SUPT3H: variants seen among roughly 807,000 people sequenced by gnomAD.
SUPT3H encodes transcription initiation protein SPT3 homolog.
A neutral mutation model predicts 44.3 loss-of-function variants in SUPT3H; 44 were observed. The observed-to-expected ratio is 0.99, with a 90% confidence interval of 0.78 to 1.28. The LOEUF (loss-of-function observed/expected upper bound fraction) is 1.28, where lower values mean the gene tolerates loss of function less well. SUPT3H is among the 50% of genes most tolerant of loss of function. The pLI, the probability that SUPT3H is intolerant of heterozygous loss-of-function variation, is 0.00. For missense variants in SUPT3H, 380 were observed against 387.1 expected (o/e 0.98, Z 0.15); for synonymous variants, 124 against 125.6 (o/e 0.99, Z 0.09).
chr6:44,855,514 T>C (rs375432943), intron 10 of SUPT3H, among the ~76,000 whole-genome samples: 13 of 152,298 alleles, frequency 8.5e-5, no homozygotes, highest in East Asian at 5.8e-4. Context: ...TGTGCAGCCA[T>C]AGGTACTGGT....
At chr6:45,107,292 C>T (rs145588159) in intron 2 of SUPT3H, among the ~76,000 whole-genome samples, 1 of 152,182 alleles carries the variant, frequency 6.6e-6, no homozygotes, top group East Asian at 1.9e-4. Flanking sequence ...AAGGCATCTA[C>T]CTAATCACAG....
chr6:44,930,993 A>C (rs2153461024), intron 10 of SUPT3H, among the ~76,000 whole-genome samples: 1 of 152,300 alleles, frequency 6.6e-6, no homozygotes, highest in South Asian at 2.1e-4. Context: ...GGGGGAAAAG[A>C]TATACACACA....
At chr6:45,033,259 G>A (rs978413876) in intron 3 of SUPT3H, among the ~76,000 whole-genome samples, 1 of 152,098 alleles carries the variant, frequency 6.6e-6, no homozygotes, top group African/African-American at 2.4e-5. Flanking sequence ...GTCTCAGAAG[G>A]ATAAATCTTC....
chr6:44,890,256 T>C (rs1359394088), intron 10 of SUPT3H, among the ~76,000 whole-genome samples: 1 of 150,020 alleles, frequency 6.7e-6, no homozygotes, highest in Non-Finnish European at 1.5e-5. Flanking sequence ...ATCCCATTAC[T>C]GGGTATATAC....
chr6:45,361,493 T>C (rs2150251035), intron 2 of SUPT3H: 1 of 152,276 alleles, frequency 6.6e-6, no homozygotes, highest in Non-Finnish European at 1.5e-5. Flanking sequence ...TCAAAGTGCA[T>C]TTAAATTAAT....
chr6:44,933,990 C>T (rs10948185), intron 9 of SUPT3H, among the ~76,000 whole-genome samples: 51,065 of 151,940 alleles, frequency 0.34, 9,504 homozygotes, highest in Admixed American at 0.41. Context: ...AATGGAAGCT[C>T]ATTTACTTCA....
At chr6:45,324,997 T>G (rs1786131024) in intron 2 of SUPT3H, among the ~76,000 whole-genome samples, 1 of 151,604 alleles carries the variant, frequency 6.6e-6, no homozygotes, top group Non-Finnish European at 1.5e-5. Flanking sequence ...TAAGGCCAAA[T>G]AGATCCCGTG....
At chr6:45,369,518 A>C (rs1795693236) in intron 1 of SUPT3H, among the ~76,000 whole-genome samples, 1 of 152,062 alleles carries the variant, frequency 6.6e-6, no homozygotes, top group South Asian at 2.1e-4. Context: ...ATCATCTTCT[A>C]CTTCCAGAGA....
intron 2 of SUPT3H, among the ~76,000 whole-genome samples, chr6:45,204,542 T>C (rs1204554251): frequency 1.3e-5 from 2 of 152,156 alleles, no homozygotes; most frequent in African/African-American, 4.8e-5. Flanking sequence ...AAGATGCTCG[T>C]TCCTTCCACA....
Position 44,889,551 on chromosome 6 carries a change from C to G in SUPT3H, c.912+43102G>C, listed in dbSNP as rs554204240. Among the ~76,000 whole-genome samples the G allele has an allele frequency of 2.2e-3, 331 of 152,314 alleles. 1 individual carries two copies. The highest frequency in any genetic ancestry group is 7.6e-3 in the African/African-American group (317 of 41,568). The stretch of plus-strand genomic sequence containing the variant: ...TAATAAATGGTGCTGGGAAAACTGG[C>G]TAGCCACATGTAGAAAGCTGAAACT... On this transcript the variant is annotated intron_variant, in intron 10 of 10. Coordinates refer to ENST00000371459, the MANE Select transcript of SUPT3H (RefSeq NM_003599.4).
At chr6:45,149,291 C>G (rs1245353218) in intron 2 of SUPT3H, among the ~76,000 whole-genome samples, 1 of 152,116 alleles carries the variant, frequency 6.6e-6, no homozygotes, top group African/African-American at 2.4e-5. Context: ...TTGTAGCTAT[C>G]TATGACCTAC....
chr6:45,120,606 A>G (rs1180135372), intron 2 of SUPT3H, among the ~76,000 whole-genome samples: 1 of 152,032 alleles, frequency 6.6e-6, no homozygotes, highest in Non-Finnish European at 1.5e-5. Context: ...GAGGAAAACT[A>G]AAGAAGTTGA....
intron 2 of SUPT3H, among the ~76,000 whole-genome samples, chr6:45,230,469 T>C (rs1767751915): frequency 6.6e-6 from 1 of 151,808 alleles, no homozygotes; most frequent in East Asian, 1.9e-4. Flanking sequence ...ATCATTATTA[T>C]ATAATGACCA....
chr6:45,202,766 C>T (rs186667321), intron 2 of SUPT3H, among the ~76,000 whole-genome samples: 1 of 152,046 alleles, frequency 6.6e-6, no homozygotes, highest in East Asian at 1.9e-4. Flanking sequence ...AAATAATATA[C>T]AATTCTATTT....
At chr6:45,286,787 G>A (rs2149835547) in intron 2 of SUPT3H, among the ~76,000 whole-genome samples, 1 of 152,290 alleles carries the variant, frequency 6.6e-6, no homozygotes, top group South Asian at 2.1e-4. Context: ...AAAGACACAT[G>A]CACACGTATG....
chr6:45,255,074 A>T (rs1347057886), intron 2 of SUPT3H, among the ~76,000 whole-genome samples: 46 of 152,210 alleles, frequency 3.0e-4, no homozygotes. Context: ...TGATGCTGGC[A>T]TATTGCTATG....
At chr6:44,906,676 C>T (rs567843062) in intron 10 of SUPT3H, among the ~76,000 whole-genome samples, 1 of 152,076 alleles carries the variant, frequency 6.6e-6, no homozygotes, top group Non-Finnish European at 1.5e-5. Context: ...GCAGGAGAAT[C>T]GCTTAAACCT....
chr6:44,824,067 C>T (rs1377185266), downstream of SUPT3H, among the ~76,000 whole-genome samples: 1 of 152,226 alleles, frequency 6.6e-6, no homozygotes, highest in African/African-American at 2.4e-5. Context: ...TGTCAATTGG[C>T]CCCTCTGGCT....
intron 2 of SUPT3H, among the ~76,000 whole-genome samples, chr6:45,222,783 G>A (rs1766275570): frequency 6.6e-6 from 1 of 151,972 alleles, no homozygotes; most frequent in African/African-American, 2.4e-5. Context: ...GCCCAAAACT[G>A]GAGACAACTC....
Sources: gnomAD v4.1 joint callset for allele counts (sites outside exome capture counted in the v4.1 genomes callset) on GRCh38, gnomAD v4.1.1 for gene constraint, MANE v1.5 for transcripts, NCBI Gene and HGNC (gene_info 2026-07-23, HGNC 2026-07-21) for gene names.